The following CTNNA2 variants were observed in gnomAD, a reference collection of about 807,000 sequenced individuals.
CTNNA2 encodes the protein catenin alpha 2.
In CTNNA2, 42 loss-of-function variants were observed where a neutral mutation model predicts 101.0. The ratio of observed to expected loss-of-function variants is 0.42; its 90% CI spans 0.32 to 0.54. The LOEUF is 0.54. CTNNA2 is among the 20% of genes least tolerant of loss of function. The pLI is 0.14. For missense variants in CTNNA2, 871 were observed against 1,223.1 expected (o/e 0.71, Z 4.29); for synonymous variants, 450 against 456.4 (o/e 0.99, Z 0.18).
Position 80,400,859 on chromosome 2 carries a change from C to A in CTNNA2, c.1137+7568C>A, listed in dbSNP as rs1678485801. 3.9e-5 allele frequency among the ~76,000 whole-genome samples: 6 copies of A among 152,176 alleles called. No individual in the cohort carries two copies. In the South Asian group the frequency reaches 1.0e-3, roughly 26 times the overall value. The stretch of plus-strand genomic sequence containing the variant: ...ACAACCTCATAACCAGTATCCTAGA[C>A]CCCAGCCTCCTGGTAGCTCCTAGAC... On this transcript the variant is annotated intron_variant, in intron 8 of 18. Coordinates refer to ENST00000402739, the MANE Select transcript of CTNNA2 (RefSeq NM_001282597.3).
At chr2:79,760,392 T>C (rs766269286) in intron 3 of CTNNA2, among the ~76,000 whole-genome samples, 6 of 152,058 alleles carry the variant, frequency 3.9e-5, no homozygotes, top group Non-Finnish European at 8.8e-5. Context: ...TTTTAAGGAA[T>C]TGGTTCATGC....
intron 3 of CTNNA2, among the ~76,000 whole-genome samples, chr2:79,371,096 C>A (rs1338559679): frequency 6.6e-6 from 1 of 151,722 alleles, no homozygotes; most frequent in Non-Finnish European, 1.5e-5. Context: ...CCTTAGGAGG[C>A]CTGGAAGCCG....
chr2:79,881,822 G>T (rs144109359), intron 6 of CTNNA2, among the ~76,000 whole-genome samples: 1 of 149,498 alleles, frequency 6.7e-6, no homozygotes, highest in Non-Finnish European at 1.5e-5. Flanking sequence ...ACTTAGTATT[G>T]TTATGTGTGA....
At position 80,455,889 on chromosome 2, in the gene CTNNA2, C is replaced by T. The variant is rs186554230; in HGVS notation, c.1290+36288C>T. 9.2e-5 allele frequency among the ~76,000 whole-genome samples: 14 copies of T among 152,152 alleles called. No individual in the cohort carries two copies. In the East Asian group the frequency reaches 2.7e-3, roughly 29 times the overall value. On this transcript the variant is annotated intron_variant, in intron 9 of 18. Coordinates refer to ENST00000402739, the MANE Select transcript of CTNNA2 (RefSeq NM_001282597.3). The stretch of plus-strand genomic sequence containing the variant: ...TGATCCATTTAATCTTCGAAACAAG[C>T]CTGTGATTACCTGAGACACAGAGTG...
intron 1 of CTNNA2, among the ~76,000 whole-genome samples, chr2:79,619,666 C>T (rs1291979534): frequency 2.0e-5 from 3 of 152,076 alleles, no homozygotes; most frequent in South Asian, 2.1e-4. Context: ...TATTTCAATA[C>T]GTGTGTCATG....
chr2:80,204,826 C>CA (rs35583561), intron 7 of CTNNA2, among the ~76,000 whole-genome samples: 33,483 of 136,532 alleles, frequency 0.25, 5,801 homozygotes, highest in African/African-American at 0.51. Context: ...GGGCAATTTC[C>CA]AAAAAAAAAA....
At chr2:79,956,316 C>G (rs1245132958) in intron 7 of CTNNA2, among the ~76,000 whole-genome samples, 1 of 151,986 alleles carries the variant, frequency 6.6e-6, no homozygotes. Context: ...AAAATACTTT[C>G]CTTTTAACAG....
chr2:80,260,242 CAAT>C (rs1672503596), intron 7 of CTNNA2, among the ~76,000 whole-genome samples: 1 of 152,102 alleles, frequency 6.6e-6, no homozygotes, highest in Non-Finnish European at 1.5e-5. Context: ...TTAGTAATAA[CAAT>C]AATAAGCAAC....
intron 9 of CTNNA2, among the ~76,000 whole-genome samples, chr2:80,485,104 G>A (rs1686465750): frequency 6.6e-6 from 1 of 152,146 alleles, no homozygotes; most frequent in Non-Finnish European, 1.5e-5. Context: ...AAGTGTACGT[G>A]TGTGTTGTTT....
rs979945407 is a variant in CTNNA2 at position 80,577,157 on chromosome 2, C to G, written c.1893+2843C>G. The stretch of plus-strand genomic sequence containing the variant: ...AGATGTCCAAACTTTTGGAGTTGCC[C>G]TGAATACAGGATGAACAAAGCAGAC... On this transcript the variant is annotated intron_variant, in intron 13 of 18. Coordinates refer to ENST00000402739, the MANE Select transcript of CTNNA2 (RefSeq NM_001282597.3). Among the ~76,000 whole-genome samples, 3 of 152,034 alleles carry G rather than the reference C, an allele frequency of 2.0e-5. No individual in the cohort carries two copies. In the East Asian group the frequency reaches 5.8e-4, roughly 29 times the overall value.
rs569995871 is a variant in CTNNA2 at position 79,486,181 on chromosome 2, G to T, written c.-134-18873G>T. 2.0e-5 allele frequency among the ~76,000 whole-genome samples: 3 copies of T among 151,694 alleles called. No homozygotes were observed. The South Asian group carries it at 6.2e-4, about 31-fold the overall frequency. ...GTTGGTGTGCTGCACCCATTAACTC[G>T]TCATTTAACATTAGGTATATCTCCT... On this transcript the variant is annotated intron_variant, in intron 4 of 21. Transcript: ENST00000466387.
chr2:79,880,172 T>G (rs1683318389), intron 6 of CTNNA2, among the ~76,000 whole-genome samples: 1 of 152,216 alleles, frequency 6.6e-6, no homozygotes, highest in Non-Finnish European at 1.5e-5. Flanking sequence ...TGAAGCTGAC[T>G]TGGTCATGGA....
At chr2:79,646,505 T>G (rs1317145020) in intron 1 of CTNNA2, among the ~76,000 whole-genome samples, 2 of 151,288 alleles carry the variant, frequency 1.3e-5, no homozygotes, top group South Asian at 2.1e-4. Context: ...GAAACACAAT[T>G]TAAAACTTTT....
intron 18 of CTNNA2, among the ~76,000 whole-genome samples, chr2:80,640,755 T>C (rs923222714): frequency 6.6e-6 from 1 of 152,206 alleles, no homozygotes; most frequent in Non-Finnish European, 1.5e-5. Flanking sequence ...ACAGCAAAGC[T>C]GACTTGTAGC....
intron 7 of CTNNA2, among the ~76,000 whole-genome samples, chr2:80,281,839 T>C (rs1243591356): frequency 6.6e-6 from 1 of 152,108 alleles, no homozygotes; most frequent in African/African-American, 2.4e-5. Flanking sequence ...CTCTAGTATA[T>C]ATGGTTAGTG....
intron 7 of CTNNA2, among the ~76,000 whole-genome samples, chr2:79,950,465 T>C (rs564169847): frequency 6.6e-6 from 1 of 152,212 alleles, no homozygotes; most frequent in Non-Finnish European, 1.5e-5. Context: ...CATGAATGGG[T>C]TCAGAGGCTT....
chr2:79,837,593 T>G (rs190177196), intron 3 of CTNNA2, among the ~76,000 whole-genome samples: 1 of 152,180 alleles, frequency 6.6e-6, no homozygotes, highest in Non-Finnish European at 1.5e-5. Flanking sequence ...ATATTGAAGA[T>G]GCAATCGTTG....
At chr2:79,611,059 A>G (rs1037880477) in intron 1 of CTNNA2, among the ~76,000 whole-genome samples, 1 of 152,144 alleles carries the variant, frequency 6.6e-6, no homozygotes, top group African/African-American at 2.4e-5. Context: ...AGTTTCAGAT[A>G]AACAAAACAA....
intron 3 of CTNNA2, among the ~76,000 whole-genome samples, chr2:79,324,871 T>C (rs1438259957): frequency 6.6e-6 from 1 of 152,134 alleles, no homozygotes; most frequent in Non-Finnish European, 1.5e-5. Flanking sequence ...AGCAAAACCG[T>C]ATTTAACACT....
Sources: allele counts gnomAD v4.1 joint callset (sites outside exome capture counted in the v4.1 genomes callset), GRCh38; gene constraint gnomAD v4.1.1; transcripts MANE v1.5; gene names NCBI Gene and HGNC (gene_info 2026-07-23, HGNC 2026-07-21).